CELA3A: variants seen among roughly 807,000 people sequenced by gnomAD.
CELA3A encodes chymotrypsin like elastase 3A.
Under a neutral mutation model 38.6 loss-of-function variants are expected in CELA3A, and 35 were observed. The ratio of observed to expected loss-of-function variants is 0.91; its 90% confidence interval spans 0.69 to 1.20. The LOEUF (loss-of-function observed/expected upper bound fraction) is 1.20. CELA3A is among the 50% of genes most tolerant of loss of function. The pLI, the probability that CELA3A is intolerant of heterozygous loss-of-function variation, is 0.00. For synonymous variants in CELA3A, 143 were observed against 136.7 expected, an observed-to-expected ratio of 1.05 and a Z score of -0.32; for missense variants, 343 against 354.2, an observed-to-expected ratio of 0.97 and a Z score of 0.25.
At chr1:22,001,793 A>T in intron 1 of CELA3A, 76 bp downstream of exon 1, 1 of 1,580,952 alleles carries the variant, frequency 6.3e-7, no homozygotes, top group Non-Finnish European at 8.7e-7. Context: ...ACTCGCTCTG[A>T]GTCCCATGAC....
In CELA3A at chr1:22,003,798, C is replaced by T. The variant is rs536487491; in HGVS notation, c.129+710C>T. On this transcript the variant is annotated intron_variant, in intron 2 of 7. Transcript: ENST00000290122. The stretch of plus-strand genomic sequence containing the variant: ...TTGGCTCACTGCAAACTCTGCCACC[C>T]GGGTTCAAGCAATTCTCCTACCTCA... Among the ~76,000 whole-genome samples, 38 of 150,936 alleles carry T rather than the reference C, an allele frequency of 2.5e-4. 1 individual carries two copies. The highest frequency in any genetic ancestry group is 3.4e-3 in the Middle Eastern group (1 of 292).
rs753151123 is a variant in CELA3A, at chr1:22,005,523, T to C, written c.206T>C (p.Val69Ala). The C allele has an allele frequency of 6.2e-7, 1 of 1,612,966 alleles. No homozygotes were observed. Residue 69 changes from valine (V) to alanine (A), a missense_variant, in exon 3 of 8, where the codon GTG becomes GCG. By Grantham distance (64) the Val-to-Ala change is moderately conservative (BLOSUM62 0). Coordinates refer to ENST00000290122, the MANE Select transcript of CELA3A (RefSeq NM_005747.5). ...GGSLIAPDWVVTAGHCISRDL... is the reference protein window; with the variant it reads ...GGSLIAPDWVATAGHCISRDL... The stretch of plus-strand genomic sequence containing the variant: ...AGCCTCATCGCCCCCGATTGGGTTG[T>C]GACTGCCGGCCACTGCATCTCGTGA...
In CELA3A at chr1:22,006,975, A is replaced by T. The variant is rs143596163; in HGVS notation, c.460A>T (p.Lys154Ter). ...TCCCGCTGGTGACATCCTTCCCAAC[A>T]AGACACCCTGCTACATCACCGGCTG... ...LPPAGDILPN[K>*]TPCYITGWGR... Residue 154 changes from lysine to a stop codon, truncating the protein, a stop_gained, in exon 5 of 8, where the codon AAG becomes TAG. Coordinates refer to ENST00000290122, the MANE Select transcript of CELA3A (RefSeq NM_005747.5). LOFTEE classifies it high-confidence loss of function. 6.2e-6 allele frequency: 10 copies of T among 1,611,228 alleles called. 1 individual carries two copies. The highest frequency in any genetic ancestry group is 1.7e-4 in the Middle Eastern group (1 of 6,058).
At chr1:22,005,169 G>C (rs1049353754) in intron 2 of CELA3A, among the ~76,000 whole-genome samples, 4 of 150,566 alleles carry the variant, frequency 2.7e-5, no homozygotes, top group African/African-American at 1.0e-4. Flanking sequence ...GCTGTTAAGA[G>C]ACAGAAGGTA....
At chr1:22,007,346 CT>C (rs756308810) in intron 5 of CELA3A, 26 bp from the exon 6 acceptor site, 1 of 1,596,384 alleles carries the variant, frequency 6.3e-7, no homozygotes, top group South Asian at 1.1e-5. Flanking sequence ...CCCCAGACCC[CT>C]GACTCGGTGC....
At chr1:22,005,590 G>T (rs1294421949) in intron 3 of CELA3A, 46 bp downstream of exon 3, 9 of 1,612,136 alleles carry the variant, frequency 5.6e-6, no homozygotes, top group East Asian at 2.2e-5. Context: ...GGCAGCGGGG[G>T]AGAGTGGGTG....
chr1:22,012,198 T>C (rs1166896309), intron 7 of CELA3A, among the ~76,000 whole-genome samples: 2 of 128,050 alleles, frequency 1.6e-5, no homozygotes, highest in African/African-American at 6.4e-5. Context: ...CATATACATA[T>C]ATATATACAT....
At chr1:22,007,345 C>G (rs374041799) in intron 5 of CELA3A, 28 bp from the exon 6 acceptor site, 1 of 1,595,558 alleles carries the variant, frequency 6.3e-7, no homozygotes, top group Non-Finnish European at 8.5e-7. Context: ...CCCCCAGACC[C>G]CTGACTCGGT....
chr1:22,008,205 C>A (rs1569872922), intron 6 of CELA3A, among the ~76,000 whole-genome samples: 1 of 132,180 alleles, frequency 7.6e-6, no homozygotes, highest in East Asian at 2.3e-4. Context: ...GGCTGGAGTG[C>A]AGTAATGCCA....
At chr1:22,010,996 G>A (rs1644980399) in intron 7 of CELA3A, 1 of 151,216 alleles carries the variant, frequency 6.6e-6, no homozygotes, top group South Asian at 2.1e-4. Flanking sequence ...TGCTTGCTTT[G>A]GCAGCACATG....
rs114370704 is a variant in CELA3A at position 22,005,606 on chromosome 1, G to T, written c.228-56G>T. On this transcript the variant is annotated intron_variant, in intron 3 of 7. Coordinates refer to ENST00000290122, the MANE Select transcript of CELA3A (RefSeq NM_005747.5). ...GCAGCGGGGGAGAGTGGGTGATGAT[G>T]GGGAAGGAGGGAGGTGAGCCAGTCA... is the stretch of plus-strand genomic sequence containing the variant. 2.7e-3 allele frequency: 4,323 copies of T among 1,611,858 alleles called. 270 individuals are homozygous for T. The African/African-American group carries it at 0.053, about 20-fold the overall frequency.
chr1:22,006,009 T>C lies in CELA3A; in HGVS notation c.362+213T>C, dbSNP rs1644948029. On this transcript the variant is annotated intron_variant, in intron 4 of 7. Transcript: ENST00000290122. ...TTAAGGACCATCACCACCAAACCTG[T>C]CTCCCTACAGAGGGGATGGCAGTGT... 4.0e-6 allele frequency: 3 copies of C among 746,080 alleles called. No homozygotes were observed. The East Asian group carries it at 8.3e-5, about 21-fold the overall frequency. The allele number at this position is 746,080 out of a possible 1,614,324, so 46.2% of individuals were successfully genotyped here.
rs60780583 is a variant in CELA3A, at chr1:22,008,662, G to A, written c.643-1043G>A. ...TAGTCCCAGCTACTCGGGAGGCTGAGGCAGGAGAATGGTGTGAACCCAGGA... is the reference window on the plus strand; with the variant it reads ...TAGTCCCAGCTACTCGGGAGGCTGAAGCAGGAGAATGGTGTGAACCCAGGA... On this transcript the variant is annotated intron_variant, in intron 6 of 7. Coordinates refer to ENST00000290122, the MANE Select transcript of CELA3A (RefSeq NM_005747.5). Among the ~76,000 whole-genome samples, 16 of 150,494 alleles carry A rather than the reference G, an allele frequency of 1.1e-4. 1 individual carries two copies. The highest frequency in any genetic ancestry group is 6.3e-4 in the South Asian group (3 of 4,768).
intron 7 of CELA3A, among the ~76,000 whole-genome samples, chr1:22,012,162 TAC>T (rs560823175): frequency 7.8e-6 from 1 of 128,448 alleles, no homozygotes; most frequent in African/African-American, 3.2e-5. Context: ...CGTATATATA[TAC>T]ACACACACAT....
chr1:22,003,473 T>C (rs1428212718), intron 2 of CELA3A, among the ~76,000 whole-genome samples: 2 of 150,654 alleles, frequency 1.3e-5, no homozygotes, highest in African/African-American at 2.5e-5. Context: ...GTAAGGCCAG[T>C]GGAGGGAAGC....
chr1:22,005,208 T>C (rs1284884198), intron 2 of CELA3A, among the ~76,000 whole-genome samples: 2 of 151,422 alleles, frequency 1.3e-5, no homozygotes, highest in African/African-American at 2.4e-5. Flanking sequence ...AGGGAGGTCA[T>C]AGTGCTGGTG....
At chr1:22,007,254 C>A in intron 5 of CELA3A, 119 bp from the exon 6 acceptor site, 2 of 1,402,714 alleles carry the variant, frequency 1.4e-6, no homozygotes, top group Middle Eastern at 1.8e-4. Context: ...GACCATTTAG[C>A]GGGTGGGAGG....
chr1:22,004,545 T>C (rs57485634), intron 2 of CELA3A, among the ~76,000 whole-genome samples: 9,429 of 150,502 alleles, frequency 0.063, 3 homozygotes, highest in East Asian at 0.12. Context: ...ATGGTTTGGA[T>C]AGTAATGACT....
At chr1:22,003,260 T>C (rs569056040) in intron 2 of CELA3A, among the ~76,000 whole-genome samples, 172 bp downstream of exon 2, 2 of 151,198 alleles carry the variant, frequency 1.3e-5, no homozygotes, top group East Asian at 3.9e-4. Flanking sequence ...GCCCGTTTCA[T>C]CTGTAACCCT....
Sources: allele counts gnomAD v4.1 joint callset (sites outside exome capture counted in the v4.1 genomes callset), GRCh38; gene constraint gnomAD v4.1.1; transcripts MANE v1.5; gene names NCBI Gene and HGNC (gene_info 2026-07-23, HGNC 2026-07-21).